The following NAA11 variants were observed in gnomAD, a reference collection of about 807,000 sequenced individuals.
NAA11 encodes the protein N-alpha-acetyltransferase 11.
A neutral mutation model predicts 16.1 loss-of-function variants in NAA11; 15 were observed. That is an observed-to-expected ratio of 0.93 (90% confidence interval 0.62 to 1.44). The LOEUF (loss-of-function observed/expected upper bound fraction) is 1.44, where lower values mean the gene tolerates loss of function less well. Ranked by LOEUF, NAA11 falls within the 40% of genes most tolerant of loss-of-function variation. The probability of loss-of-function intolerance (pLI) is 0.00; values close to 1 mark genes in which losing one functional copy is unlikely to be tolerated. For synonymous variants in NAA11, 122 were observed against 112.4 expected (o/e 1.09, Z -0.54); for missense variants, 298 against 291.3 (o/e 1.02, Z -0.17).
chr4:79,233,004 G>A (rs935376062), intron 2 of NAA11, among the ~76,000 whole-genome samples: 1 of 151,986 alleles, frequency 6.6e-6, no homozygotes, highest in African/African-American at 2.4e-5. Flanking sequence ...TCATAAAGTT[G>A]ATGGTGGGGA....
At chr4:79,215,649 T>C in the NAA11 span, among the ~76,000 whole-genome samples, 3 of 152,214 alleles carry the variant, frequency 2.0e-5, no homozygotes, top group Non-Finnish European at 4.4e-5. Context: ...TAACCTGTCA[T>C]CTATGTGAGT....
chr4:79,244,144 C>A (rs995247563), intron 2 of NAA11, among the ~76,000 whole-genome samples: 9 of 152,180 alleles, frequency 5.9e-5, no homozygotes, highest in African/African-American at 1.9e-4. Context: ...CAGGGGTGGA[C>A]CATCAGGAAC....
chr4:79,189,175 A>T, the NAA11 span, among the ~76,000 whole-genome samples: 1 of 149,176 alleles, frequency 6.7e-6, no homozygotes, highest in Admixed American at 6.7e-5. Flanking sequence ...CTTATGAAGG[A>T]GGCAGAGATA....
At chr4:79,182,231 A>G in the NAA11 span, among the ~76,000 whole-genome samples, 1 of 152,224 alleles carries the variant, frequency 6.6e-6, no homozygotes, top group African/African-American at 2.4e-5. Context: ...CACAATCAGA[A>G]TAATAGCATA....
chr4:79,256,651 A>AATATATATATATAAAT (rs1722115291), intron 2 of NAA11, among the ~76,000 whole-genome samples: 2 of 130,766 alleles, frequency 1.5e-5, no homozygotes, highest in Admixed American at 1.5e-4. Flanking sequence ...TATAAATATA[A>AATATATATATATAAAT]ATATATATAT....
At chr4:79,314,641 TAAA>T (rs375245497), downstream of NAA11, among the ~76,000 whole-genome samples, 28 of 98,064 alleles carry the variant, frequency 2.9e-4, 1 homozygote, top group Non-Finnish European at 7.7e-5. Flanking sequence ...TCCTTAAAAT[TAAA>T]AAAAAAAAAA....
intron 2 of NAA11, among the ~76,000 whole-genome samples, chr4:79,233,030 TATA>T (rs913170698): frequency 3.3e-5 from 5 of 152,116 alleles, no homozygotes; most frequent in Admixed American, 1.3e-4. Flanking sequence ...TGAGAAAATA[TATA>T]ATAAGTACCT....
chr4:79,285,821 G>A (rs1280672789), intron 2 of NAA11, among the ~76,000 whole-genome samples: 2 of 151,892 alleles, frequency 1.3e-5, no homozygotes, highest in South Asian at 2.1e-4. Flanking sequence ...AAATTTTAGA[G>A]GCTGTTAATA....
chr4:79,175,550 G>C, the NAA11 span, among the ~76,000 whole-genome samples: 1 of 151,900 alleles, frequency 6.6e-6, no homozygotes, highest in Non-Finnish European at 1.5e-5. Flanking sequence ...CAATGAGAAT[G>C]ATATTCTCGT....
downstream of NAA11, among the ~76,000 whole-genome samples, chr4:79,222,442 T>G (rs933681863): frequency 1.3e-5 from 2 of 151,152 alleles, no homozygotes; most frequent in Non-Finnish European, 2.9e-5. Context: ...GCTAGCCATA[T>G]GTAGAAAGCT....
the NAA11 span, among the ~76,000 whole-genome samples, chr4:79,158,722 T>C: frequency 3.4e-5 from 5 of 146,996 alleles, no homozygotes; most frequent in Admixed American, 3.4e-4. Context: ...TATATATATA[T>C]GGCTATAGTC....
chr4:79,302,517 T>A (rs1723422228), intron 1 of NAA11, among the ~76,000 whole-genome samples: 1 of 152,206 alleles, frequency 6.6e-6, no homozygotes, highest in African/African-American at 2.4e-5. Flanking sequence ...AAATCCTTCA[T>A]AACAAAGTCT....
intron 2 of NAA11, among the ~76,000 whole-genome samples, chr4:79,270,433 G>A (rs1264072182): frequency 8.7e-5 from 13 of 150,248 alleles, no homozygotes; most frequent in East Asian, 5.9e-4. Flanking sequence ...ATTCACCGCC[G>A]AATTCTACCA....
At chr4:79,202,301 G>A in the NAA11 span, among the ~76,000 whole-genome samples, 47 of 151,420 alleles carry the variant, frequency 3.1e-4, no homozygotes, top group African/African-American at 1.1e-3. Context: ...TTGCAACAAC[G>A]TGGATGAATC....
At chr4:79,169,302 A>G in the NAA11 span, among the ~76,000 whole-genome samples, 1 of 152,206 alleles carries the variant, frequency 6.6e-6, no homozygotes, top group African/African-American at 2.4e-5. Flanking sequence ...AACCAAGACA[A>G]TCCTAAGCAA....
intron 2 of NAA11, among the ~76,000 whole-genome samples, chr4:79,254,892 G>A (rs1722073801): frequency 6.6e-6 from 1 of 151,750 alleles, no homozygotes; most frequent in Non-Finnish European, 1.5e-5. Context: ...TTCATAAGTT[G>A]GTATTATTAT....
At chr4:79,205,207 T>C in the NAA11 span, among the ~76,000 whole-genome samples, 1 of 152,196 alleles carries the variant, frequency 6.6e-6, no homozygotes, top group South Asian at 2.1e-4. Flanking sequence ...CTGGATAGAA[T>C]GGTAGGTCTG....
downstream of NAA11, among the ~76,000 whole-genome samples, chr4:79,224,050 ATTC>A (rs1721258121): frequency 6.6e-6 from 1 of 152,124 alleles, no homozygotes; most frequent in African/African-American, 2.4e-5. Flanking sequence ...TAGGGTACCA[ATTC>A]TTCTGCACTT....
chr4:79,242,460 C>T (rs1721720636), intron 2 of NAA11, among the ~76,000 whole-genome samples: 2 of 152,236 alleles, frequency 1.3e-5, no homozygotes, highest in African/African-American at 4.8e-5. Context: ...CAGTGAACTT[C>T]TCTGCCACCC....
Sources: allele counts gnomAD v4.1 joint callset (sites outside exome capture counted in the v4.1 genomes callset), GRCh38; gene constraint gnomAD v4.1.1; transcripts MANE v1.5; gene names NCBI Gene and HGNC (gene_info 2026-07-23, HGNC 2026-07-21).